The following NT5E variants were observed in gnomAD, a reference collection of about 807,000 sequenced individuals.
NT5E encodes 5'-nucleotidase.
NT5E carries 53 observed loss-of-function variants against 55.1 expected under a neutral mutation model. The ratio of observed to expected loss-of-function variants is 0.96; its 90% CI spans 0.77 to 1.21. The LOEUF (loss-of-function observed/expected upper bound fraction) is 1.21. NT5E is among the 50% of genes most tolerant of loss of function. NT5E has a pLI of 0.00. For missense variants in NT5E, 683 were observed against 724.3 expected (o/e 0.94, Z 0.65); for synonymous variants, 270 against 278.4 (o/e 0.97, Z 0.30).
chr6:85,472,741 A>C (rs1769340725), intron 3 of NT5E, among the ~76,000 whole-genome samples: 1 of 152,226 alleles, frequency 6.6e-6, no homozygotes, highest in Non-Finnish European at 1.5e-5. Context: ...CATAACTCAC[A>C]AACTAAAGTT....
At chr6:85,476,198 G>A (rs1378006906) in intron 3 of NT5E, among the ~76,000 whole-genome samples, 1 of 152,194 alleles carries the variant, frequency 6.6e-6, no homozygotes, top group Non-Finnish European at 1.5e-5. Flanking sequence ...CCTCAATCCA[G>A]TGACTGACAC....
At position 85,467,214 on chromosome 6, in the gene NT5E, C is replaced by T. The variant is rs777157944; in HGVS notation, c.494C>T (p.Pro165Leu). ...CTTTATTTGCCATATAAAGTTCTTC[C>T]TGTTGGTGATGAAGTTGTGGGAATC... ...SGLYLPYKVL[P>L]VGDEVVGIVG... The change falls in exon 2 of 9, where the codon CCT becomes CTT. Residue 165 changes from proline to leucine, a missense_variant. By Grantham distance (98) the Pro-to-Leu change is moderately conservative. Transcript: ENST00000257770. 1 of 1,614,108 alleles carries T rather than the reference C, an allele frequency of 6.2e-7. No individual in the cohort carries two copies. Among genetic ancestry groups the T allele is most frequent in the South Asian group, 1.1e-5 (1 of 91,068 alleles).
At chr6:85,458,712 C>T (rs1289285297) in intron 1 of NT5E, among the ~76,000 whole-genome samples, 1 of 152,174 alleles carries the variant, frequency 6.6e-6, no homozygotes, top group Non-Finnish European at 1.5e-5. Context: ...AGCCCTCTAG[C>T]CCCTCAGAGA....
rs1768824834 is a variant in NT5E, at chr6:85,450,205, T to G, written c.66T>G (p.Pro22=). 3.1e-6 allele frequency: 5 copies of G among 1,608,308 alleles called. No individual in the cohort carries two copies. In the East Asian group the frequency reaches 1.1e-4, roughly 36 times the overall value. ...TCGCCCTGGGCGCGGTGCTGTGGCC[T>G]GCGGCTGGCGCCTGGGAGCTTACGA... ...LLLALGAVLW[P]AAGAWELTIL... is the part of the protein sequence containing the mutation. The change falls in exon 1 of 9, where the codon CCT becomes CCG. Residue 22 remains proline, a synonymous_variant. Transcript: ENST00000257770. This position sits in a 1 kb window ranked among gnomAD's most constrained non-coding sequence, Gnocchi z 4.0.
At chr6:85,478,219 A>C (rs182734368) in intron 3 of NT5E, among the ~76,000 whole-genome samples, 3 of 152,278 alleles carry the variant, frequency 2.0e-5, no homozygotes, top group Admixed American at 1.3e-4. Flanking sequence ...GCCACATAAC[A>C]CTGATCCATT....
At chr6:85,493,812 TA>T in intron 8 of NT5E, 28 bp from the exon 9 acceptor site, 1 of 1,579,496 alleles carries the variant, frequency 6.3e-7, no homozygotes, top group South Asian at 1.1e-5. Context: ...ACCTTTTCTG[TA>T]GTTAAAATAA....
chr6:85,465,540 G>C (rs1769176464), intron 1 of NT5E, among the ~76,000 whole-genome samples: 1 of 152,300 alleles, frequency 6.6e-6, no homozygotes, highest in Non-Finnish European at 1.5e-5. Flanking sequence ...TAGATAACAG[G>C]AAGAGGTAAA....
chr6:85,466,227 T>C (rs764513905), intron 1 of NT5E, among the ~76,000 whole-genome samples: 1 of 152,096 alleles, frequency 6.6e-6, no homozygotes, highest in Admixed American at 6.5e-5. Context: ...ATGGGTGGTT[T>C]TGTACCCAGC....
At chr6:85,463,189 T>C (rs186984031) in intron 1 of NT5E, among the ~76,000 whole-genome samples, 152 of 152,324 alleles carry the variant, frequency 1.0e-3, no homozygotes, top group Admixed American at 2.7e-3. Flanking sequence ...CTGTTGGAGA[T>C]ACTGAAGATC....
At chr6:85,476,604 G>T (rs1769442232) in intron 3 of NT5E, among the ~76,000 whole-genome samples, 2 of 152,150 alleles carry the variant, frequency 1.3e-5, no homozygotes, top group South Asian at 4.1e-4. Flanking sequence ...CTGAACTCTT[G>T]TTCAGCAACC....
At chr6:85,460,208 C>A (rs1769066923) in intron 1 of NT5E, among the ~76,000 whole-genome samples, 1 of 152,154 alleles carries the variant, frequency 6.6e-6, no homozygotes, top group Non-Finnish European at 1.5e-5. Flanking sequence ...TGTGACCCTC[C>A]CCTAGCCCTT....
intron 1 of NT5E, among the ~76,000 whole-genome samples, chr6:85,457,628 C>T (rs1051014973): frequency 9.9e-5 from 15 of 152,058 alleles, no homozygotes; most frequent in Non-Finnish European, 2.1e-4. Context: ...CCAGGATGCT[C>T]GCGGGATGTT....
In NT5E at chr6:85,467,096, G is replaced by A. The variant is rs1769210506; in HGVS notation, c.376G>A (p.Gly126Arg). The change falls in exon 2 of 9, where the codon GGA (glycine) becomes AGA (arginine). Residue 126 changes from glycine to arginine, a missense_variant. Transcript: ENST00000257770. ...GNHEFDNGVE[G>R]LIEPLLKEAK... Reference sequence around the variant, plus strand: ...TCATGAATTTGATAATGGTGTGGAAGGACTGATCGAGCCACTCCTCAAAGA... The same window carrying A: ...TCATGAATTTGATAATGGTGTGGAAAGACTGATCGAGCCACTCCTCAAAGA... The A allele has an allele frequency of 1.9e-6, 3 of 1,613,994 alleles. 1 individual carries two copies. The highest frequency in any genetic ancestry group is 2.2e-5 in the South Asian group (2 of 91,078).
chr6:85,462,139 G>A (rs1562136877), intron 1 of NT5E, among the ~76,000 whole-genome samples: 1 of 151,774 alleles, frequency 6.6e-6, no homozygotes, highest in Non-Finnish European at 1.5e-5. Flanking sequence ...CATTCCCACA[G>A]CCCCACTTGC....
At position 85,494,011 on chromosome 6, in the gene NT5E, A is replaced by T. The variant is rs776730656; in HGVS notation, c.*7A>T. 1.9e-6 allele frequency: 3 copies of T among 1,613,660 alleles called. No homozygotes were observed. The highest frequency in any genetic ancestry group is 2.5e-6 in the Non-Finnish European group (3 of 1,179,830). On this transcript the variant is annotated 3_prime_UTR_variant, in exon 9 of 9. Transcript: ENST00000257770. Reference sequence around the variant, plus strand: ...CTTTGTTTTATACCAATAGCCAAAAATTCTCCTTGCCTTTAATGTGTGAAA... The same window carrying T: ...CTTTGTTTTATACCAATAGCCAAAATTTCTCCTTGCCTTTAATGTGTGAAA...
At chr6:85,490,360 G>A (rs1769756591) in intron 6 of NT5E, 148 bp from the exon 7 acceptor site, 6 of 923,134 alleles carry the variant, frequency 6.5e-6, no homozygotes, top group Non-Finnish European at 1.7e-6. Flanking sequence ...CTTCCTCAGT[G>A]TCAGGAACCA....
chr6:85,493,473 T>C (rs1391292885), intron 8 of NT5E, among the ~76,000 whole-genome samples: 1 of 152,168 alleles, frequency 6.6e-6, no homozygotes, highest in Non-Finnish European at 1.5e-5. Context: ...AAAATAATTA[T>C]TGGGCAGGCA....
Position 85,494,029 on chromosome 6 carries a change from G to T in NT5E, c.*25G>T. The T allele has an allele frequency of 2.5e-6, 4 of 1,611,200 alleles. No homozygotes were observed. Among genetic ancestry groups the T allele is most frequent in the Non-Finnish European group, 3.4e-6 (4 of 1,177,954 alleles). ...GCCAAAAATTCTCCTTGCCTTTAAT[G>T]TGTGAAACTGCATTTTTTCAAGTGA... is the stretch of plus-strand genomic sequence containing the variant. On this transcript the variant is annotated 3_prime_UTR_variant, in exon 9 of 9. Coordinates refer to ENST00000257770, the MANE Select transcript of NT5E (RefSeq NM_002526.4).
chr6:85,450,465 G>A lies in NT5E; in HGVS notation c.326G>A (p.Arg109His), dbSNP rs375481678. Residue 109 changes from arginine to histidine, a missense_variant, in exon 1 of 9, where the codon CGC (arginine) becomes CAC (histidine). By Grantham distance (29) the Arg-to-His change is conservative. Transcript: ENST00000257770. The surrounding 1 kb of genome is among the most constrained non-coding windows in gnomAD (Gnocchi z 4.0). ...GTGGCGCACTTCATGAACGCCCTGC[G>A]CTACGATGCCATGGTAAGACCCGAG... is the stretch of plus-strand genomic sequence containing the variant. Reference protein sequence around the residue: ...AEVAHFMNALRYDAMALGNHE... With the variant: ...AEVAHFMNALHYDAMALGNHE... 4 of 1,594,988 alleles carry A rather than the reference G, an allele frequency of 2.5e-6. No individual in the cohort carries two copies. The highest frequency in any genetic ancestry group is 2.6e-6 in the Non-Finnish European group (3 of 1,172,212).
Sources: gnomAD v4.1 joint callset for allele counts (sites outside exome capture counted in the v4.1 genomes callset) on GRCh38, gnomAD v4.1.1 for gene constraint, Gnocchi (gnomAD v3.1) non-coding constraint, MANE v1.5 for transcripts, NCBI Gene and HGNC (gene_info 2026-07-23, HGNC 2026-07-21) for gene names.